Variants in KIF9 observed in about 807,000 individuals in gnomAD.
KIF9 encodes kinesin-like protein KIF9.
KIF9 carries 68 observed loss-of-function variants against 94.8 expected under a neutral mutation model. The observed-to-expected ratio is 0.72, with a 90% CI of 0.59 to 0.88. The LOEUF (loss-of-function observed/expected upper bound fraction) is 0.88. Ranked by LOEUF, KIF9 falls within the 40% of genes least tolerant of loss-of-function variation. KIF9 has a pLI of 0.00. For synonymous variants in KIF9, 343 were observed against 362.1 expected, an observed-to-expected ratio of 0.95 and a Z score of 0.60; for missense variants, 882 against 982.5, an observed-to-expected ratio of 0.90 and a Z score of 1.37.
intron 5 of KIF9, among the ~76,000 whole-genome samples, chr3:47,267,896 G>A (rs1467288774): frequency 2.8e-5 from 4 of 141,006 alleles, no homozygotes; most frequent in African/African-American, 7.9e-5. Flanking sequence ...TTTTGGGAGA[G>A]CATCTCAGTC....
At chr3:47,246,021 G>A (rs1227352141) in intron 13 of KIF9, 176 bp downstream of exon 13, 2 of 585,312 alleles carry the variant, frequency 3.4e-6, no homozygotes, top group African/African-American at 3.7e-5. Flanking sequence ...AACACCTCCT[G>A]TCCAATTAAT....
In KIF9 at chr3:47,271,415, C is replaced by T. The variant is rs200343708; in HGVS notation, c.413G>A (p.Arg138His). The change falls in exon 5 of 21, where the codon CGT (arginine) becomes CAT (histidine). Residue 138 changes from arginine to histidine, a missense_variant. Coordinates refer to ENST00000684063, the MANE Select transcript of KIF9 (RefSeq NM_182902.4). Reference protein sequence around the residue: ...EERPTHAITVRVSYLEIYNES... With the variant: ...EERPTHAITVHVSYLEIYNES... ...ATTATAGATTTCCAAGTAGGAAACACGCACAGTGATGGCATGTGTGGGGCG... is the reference window on the plus strand; with the variant it reads ...ATTATAGATTTCCAAGTAGGAAACATGCACAGTGATGGCATGTGTGGGGCG... 58 of 1,613,918 alleles carry T rather than the reference C, an allele frequency of 3.6e-5. No individual in the cohort carries two copies. Among genetic ancestry groups the T allele is most frequent in the Non-Finnish European group, 4.2e-5 (50 of 1,180,008 alleles).
intron 10 of KIF9, chr3:47,250,647 GAGA>G: frequency 2.5e-6 from 1 of 404,540 alleles, no homozygotes; most frequent in South Asian, 1.8e-5. Context: ...ACATTTTGAG[GAGA>G]AGAATCGCTA....
Position 47,257,478 on chromosome 3 carries a change from T to C in KIF9, c.1059+5A>G, listed in dbSNP as rs776376640. 7 of 1,613,506 alleles carry C rather than the reference T, an allele frequency of 4.3e-6. No homozygotes were observed. The highest frequency in any genetic ancestry group is 5.9e-6 in the Non-Finnish European group (7 of 1,179,480). On this transcript the variant is annotated splice_donor_5th_base_variant and intron_variant, in intron 10 of 20. Transcript: ENST00000684063. Reference sequence around the variant, plus strand: ...TGGGACACCTGTCCACAACCCCTGCTGTACCTCAGCATCATACTTTTCATT... The same window carrying C: ...TGGGACACCTGTCCACAACCCCTGCCGTACCTCAGCATCATACTTTTCATT...
Position 47,228,220 on chromosome 3 carries a change from C to T in KIF9, c.*432G>A, listed in dbSNP as rs144886212. 1.2e-3 allele frequency: 192 copies of T among 155,728 alleles called. No individual in the cohort carries two copies. The highest frequency in any genetic ancestry group is 8.8e-4 in the Non-Finnish European group (62 of 70,316). The allele number at this position is 155,728 out of a possible 1,614,324, so 9.6% of individuals were successfully genotyped here. Reference sequence around the variant, plus strand: ...CTCCTCAGACCGAGCTCACCACCCCCACCCTAGGATGTCTATCCAGGAAAG... The same window carrying T: ...CTCCTCAGACCGAGCTCACCACCCCTACCCTAGGATGTCTATCCAGGAAAG... On this transcript the variant is annotated 3_prime_UTR_variant, in exon 21 of 21. Coordinates refer to ENST00000684063, the MANE Select transcript of KIF9 (RefSeq NM_182902.4).
chr3:47,257,612 C>A, intron 9 of KIF9, 52 bp from the exon 10 acceptor site: 1 of 1,513,516 alleles, frequency 6.6e-7, no homozygotes, highest in Non-Finnish European at 9.1e-7. Context: ...AAGTGAGACC[C>A]CAAGAGACCG....
Position 47,257,516 on chromosome 3 carries a change from A to G in KIF9, c.1026T>C (p.Thr342=). Residue 342 remains threonine (T), a synonymous_variant, in exon 10 of 21, where the codon ACT becomes ACC. Coordinates refer to ENST00000684063, the MANE Select transcript of KIF9 (RefSeq NM_182902.4). ...RFASRMKLVT[T]EPAINEKYDA... is the part of the protein sequence containing the mutation. ...CATACTTTTCATTGATGGCAGGCTC[A>G]GTGGTGACTAGCTTCATCCTGCTGG... 1 of 1,614,044 alleles carries G rather than the reference A, an allele frequency of 6.2e-7. No homozygotes were observed. Among genetic ancestry groups the G allele is most frequent in the Non-Finnish European group, 8.5e-7 (1 of 1,180,012 alleles).
chr3:47,269,087 C>T (rs1161840827), intron 5 of KIF9, among the ~76,000 whole-genome samples: 1 of 152,116 alleles, frequency 6.6e-6, no homozygotes, highest in African/African-American at 2.4e-5. Context: ...CCTTGTCTTT[C>T]TGGCCCTTTA....
Position 47,236,128 on chromosome 3 carries a change from T to C in KIF9, c.2123A>G (p.Glu708Gly). The C allele has an allele frequency of 6.2e-7, 1 of 1,613,930 alleles. No individual in the cohort carries two copies. The highest frequency in any genetic ancestry group is 8.5e-7 in the Non-Finnish European group (1 of 1,179,794). ...LLMEFDIWYN[E>G]SFVIPEDMQM... is the part of the protein sequence containing the mutation. Reference sequence around the variant, plus strand: ...CATGTCCTCAGGGATGACAAAGGACTCATTGTACCAGATGTCAAATTCTAC... The same window carrying C: ...CATGTCCTCAGGGATGACAAAGGACCCATTGTACCAGATGTCAAATTCTAC... The change falls in exon 19 of 21, where the codon GAG becomes GGG. Residue 708 changes from glutamate (E) to glycine (G), a missense_variant. Transcript: ENST00000684063.
At chr3:47,260,918 A>G (rs1233701407) in intron 9 of KIF9, among the ~76,000 whole-genome samples, 1 of 152,246 alleles carries the variant, frequency 6.6e-6, no homozygotes, top group Non-Finnish European at 1.5e-5. Flanking sequence ...AGCCAGGTCA[A>G]CATCTCAGGT....
rs936988956 is a variant in KIF9, at chr3:47,228,649, G to A, written c.*3C>T. The A allele has an allele frequency of 1.2e-6, 2 of 1,612,742 alleles. No individual in the cohort carries two copies. Among genetic ancestry groups the A allele is most frequent in the African/African-American group, 1.3e-5 (1 of 74,866 alleles). ...TGTCCTTTAAGGTACTGGCGATGAGGTTCTATTTTCTATGTGCCTGCTGGA... is the reference window on the plus strand; with the variant it reads ...TGTCCTTTAAGGTACTGGCGATGAGATTCTATTTTCTATGTGCCTGCTGGA... On this transcript the variant is annotated 3_prime_UTR_variant, in exon 21 of 21. Transcript: ENST00000684063.
chr3:47,257,195 A>AT lies in KIF9; in HGVS notation c.1059+287dup, dbSNP rs1306979324. ...ATTATTGACTGGCAAAAAAAAAAAA[A>AT]TTTTTCTTCATCTTAAGGTCGGCTT... On this transcript the variant is annotated intron_variant, in intron 10 of 20. Transcript: ENST00000684063. Among the ~76,000 whole-genome samples, 289 of 151,212 alleles carry AT rather than the reference A, an allele frequency of 1.9e-3. 3 individuals carry two copies. The highest frequency in any genetic ancestry group is 6.4e-3 in the African/African-American group (263 of 41,356).
intron 4 of KIF9, among the ~76,000 whole-genome samples, chr3:47,272,333 A>G (rs1701702153): frequency 6.6e-6 from 1 of 152,206 alleles, no homozygotes. Context: ...CTGAGTATCT[A>G]AAATGTGGCT....
rs533782508 is a variant in KIF9 at position 47,266,577 on chromosome 3, C to G, written c.768+399G>C. 2.0e-5 allele frequency among the ~76,000 whole-genome samples: 3 copies of G among 152,194 alleles called. No homozygotes were observed. In the East Asian group the frequency reaches 5.8e-4, roughly 29 times the overall value. ...GGATGATCACTTGAGCCTGGGAGGT[C>G]AAGGCTGCAGTGAGCTGTATTTGTG... On this transcript the variant is annotated intron_variant, in intron 7 of 20. Transcript: ENST00000684063.
chr3:47,259,430 G>T (rs1287007538), intron 9 of KIF9, among the ~76,000 whole-genome samples: 1 of 152,196 alleles, frequency 6.6e-6, no homozygotes, highest in Non-Finnish European at 1.5e-5. Context: ...TGGCTATCAT[G>T]TCTAACCCTG....
In KIF9 at chr3:47,271,387, C is replaced by G; in HGVS notation, c.441G>C (p.Glu147Asp). The change falls in exon 5 of 21, where the codon GAG becomes GAC. Residue 147 changes from glutamate (E) to aspartate (D), a missense_variant. Coordinates refer to ENST00000684063, the MANE Select transcript of KIF9 (RefSeq NM_182902.4). ...GAGTGGACAGGAGATCAAACAGGCTCTCATTATAGATTTCCAAGTAGGAAA... is the reference window on the plus strand; with the variant it reads ...GAGTGGACAGGAGATCAAACAGGCTGTCATTATAGATTTCCAAGTAGGAAA... ...VRVSYLEIYN[E>D]SLFDLLSTLP... The G allele has an allele frequency of 6.2e-7, 1 of 1,613,952 alleles. No homozygotes were observed. Among genetic ancestry groups the G allele is most frequent in the South Asian group, 1.1e-5 (1 of 91,072 alleles).
In KIF9 at chr3:47,245,514, TG is replaced by T; in HGVS notation, c.1290-4del. 1 of 1,611,306 alleles carries T rather than the reference TG, an allele frequency of 6.2e-7. No individual in the cohort carries two copies. The highest frequency in any genetic ancestry group is 8.5e-7 in the Non-Finnish European group (1 of 1,177,932). On this transcript the variant is annotated splice_polypyrimidine_tract_variant and splice_region_variant and intron_variant, in intron 13 of 20. Coordinates refer to ENST00000684063, the MANE Select transcript of KIF9 (RefSeq NM_182902.4). ...ACTCCACTTCCTGTTCCTGTTGGCT[TG>T]GGAGACAGCAAGAGAGAACAGCTTG...
At chr3:47,236,738 AG>A in intron 17 of KIF9, 119 bp from the exon 18 acceptor site, 1 of 853,950 alleles carries the variant, frequency 1.2e-6, no homozygotes, top group Non-Finnish European at 1.8e-6. Flanking sequence ...GACCACAGGC[AG>A]GGCTGGCCCA....
In KIF9 at chr3:47,228,367, A is replaced by G. The variant is rs189949785; in HGVS notation, c.*285T>C. On this transcript the variant is annotated 3_prime_UTR_variant, in exon 21 of 21. Transcript: ENST00000684063. The stretch of plus-strand genomic sequence containing the variant: ...TAGAGAATATGTCCTTTCAGACAGG[A>G]AATAAGACAAAGTTCTCAGATGAGC... 3.1e-3 allele frequency: 1,255 copies of G among 398,670 alleles called. 8 individuals are homozygous for G. Among genetic ancestry groups the G allele is most frequent in the Non-Finnish European group, 4.5e-3 (962 of 216,030 alleles). The allele number at this position is 398,670 out of a possible 1,614,324, so 24.7% of individuals were successfully genotyped here.
Sources: gnomAD v4.1 joint callset for allele counts (sites outside exome capture counted in the v4.1 genomes callset) on GRCh38, gnomAD v4.1.1 for gene constraint, MANE v1.5 for transcripts, NCBI Gene and HGNC (gene_info 2026-07-23, HGNC 2026-07-21) for gene names.